Variants in KIAA1328 observed in about 807,000 individuals in gnomAD.
KIAA1328 encodes KIAA1328.
A neutral mutation model predicts 68.1 loss-of-function variants in KIAA1328; 52 were observed. The ratio of observed to expected loss-of-function variants is 0.76; its 90% CI spans 0.61 to 0.96. The LOEUF is 0.96. Among genes scored for constraint, KIAA1328 ranks in the 40% least tolerant of loss-of-function variants. The pLI is 0.00. For synonymous variants in KIAA1328, 232 were observed against 239.4 expected (o/e 0.97, Z 0.28); for missense variants, 641 against 677.6 (o/e 0.95, Z 0.60).
intron 7 of KIAA1328, among the ~76,000 whole-genome samples, chr18:37,068,701 A>C (rs978189596): frequency 5.3e-5 from 8 of 152,112 alleles, no homozygotes; most frequent in African/African-American, 1.9e-4. Context: ...AGAGTTCTTC[A>C]TATCTTCTAG....
chr18:37,165,384 T>C (rs113350108), intron 8 of KIAA1328, among the ~76,000 whole-genome samples: 120 of 151,992 alleles, frequency 7.9e-4, no homozygotes, highest in African/African-American at 2.5e-3. Flanking sequence ...TGATTTTAGC[T>C]GAAGGGTTTT....
Position 37,108,828 on chromosome 18 carries a change from T to A in KIAA1328, c.1232+41283T>A, listed in dbSNP as rs142260356. 6.8e-3 allele frequency among the ~76,000 whole-genome samples: 1,035 copies of A among 152,330 alleles called. 16 individuals are homozygous for A. The highest frequency in any genetic ancestry group is 0.023 in the African/African-American group (961 of 41,568). On this transcript the variant is annotated intron_variant, in intron 7 of 9. Transcript: ENST00000280020. ...AGTTCTAGGGTACATGTGCACAATG[T>A]GCAGGTTTGTTACATAGGTATACAT...
chr18:37,084,416 A>G (rs2057037835), intron 7 of KIAA1328: 1 of 360,854 alleles, frequency 2.8e-6, no homozygotes, highest in Non-Finnish European at 4.9e-6. Context: ...AATCATTCAT[A>G]ATCCTACAAC....
At chr18:36,967,497 A>C (rs1392962842) in intron 6 of KIAA1328, among the ~76,000 whole-genome samples, 1 of 152,194 alleles carries the variant, frequency 6.6e-6, no homozygotes, top group Non-Finnish European at 1.5e-5. Context: ...ACTGTGAGCT[A>C]ATGAATTTGG....
intron 6 of KIAA1328, 149 bp downstream of exon 6, chr18:36,959,584 C>G (rs2051572061): frequency 2.4e-6 from 2 of 847,742 alleles, no homozygotes; most frequent in South Asian, 1.8e-5. Context: ...ATGTCTTTCC[C>G]TCCCCCTTTC....
In KIAA1328 at chr18:37,118,255, A is replaced by G. The variant is rs574654945; in HGVS notation, c.1233-41945A>G. Among the ~76,000 whole-genome samples the G allele has an allele frequency of 5.9e-5, 9 of 152,182 alleles. No homozygotes were observed. The South Asian group carries it at 1.5e-3, about 25-fold the overall frequency. On this transcript the variant is annotated intron_variant, in intron 7 of 9. Coordinates refer to ENST00000280020, the MANE Select transcript of KIAA1328 (RefSeq NM_020776.3). Reference sequence around the variant, plus strand: ...AGTGATCCACCCGCCTCAGCCTCCCAAAGTGCTAGGCTTACAGGTGTGAGC... The same window carrying G: ...AGTGATCCACCCGCCTCAGCCTCCCGAAGTGCTAGGCTTACAGGTGTGAGC...
At chr18:37,177,486 C>T (rs764794308) in intron 9 of KIAA1328, among the ~76,000 whole-genome samples, 1 of 152,082 alleles carries the variant, frequency 6.6e-6, no homozygotes, top group Non-Finnish European at 1.5e-5. Context: ...CTCCCTGTGC[C>T]TTTGTGTGTC....
At chr18:37,142,548 A>C (rs1204082042) in intron 7 of KIAA1328, among the ~76,000 whole-genome samples, 1 of 152,068 alleles carries the variant, frequency 6.6e-6, no homozygotes, top group South Asian at 2.1e-4. Context: ...TGCTGAAAAA[A>C]ACTTTTTTCT....
At position 37,105,850 on chromosome 18, in the gene KIAA1328, G is replaced by C. The variant is rs544173183; in HGVS notation, c.1232+38305G>C. On this transcript the variant is annotated intron_variant, in intron 7 of 9. Transcript: ENST00000280020. Reference sequence around the variant, plus strand: ...GAGAATCATTTGGACCCAGGAGACAGAGGTTGCAGTGAGAAGAGATTGCTC... The same window carrying C: ...GAGAATCATTTGGACCCAGGAGACACAGGTTGCAGTGAGAAGAGATTGCTC... 6.8e-5 allele frequency among the ~76,000 whole-genome samples: 9 copies of C among 133,142 alleles called. 1 individual carries two copies. In the East Asian group the frequency reaches 1.5e-3, roughly 22 times the overall value. The allele number at this position is 133,142 out of a possible 152,430, so 87.3% of individuals were successfully genotyped here. A position where few individuals can be genotyped will look rare whatever the true frequency, so the allele number is the denominator to read the frequency against.
At chr18:37,093,246 A>C (rs1156596468) in intron 7 of KIAA1328, among the ~76,000 whole-genome samples, 1 of 152,228 alleles carries the variant, frequency 6.6e-6, no homozygotes, top group Non-Finnish European at 1.5e-5. Context: ...GTGAAAAAGC[A>C]AGGTAACATA....
At chr18:36,954,447 T>C (rs1210092521) in intron 5 of KIAA1328, 1 of 152,196 alleles carries the variant, frequency 6.6e-6, no homozygotes, top group African/African-American at 2.4e-5. Flanking sequence ...TGAATTAATT[T>C]ACTTTTGAGT....
At chr18:36,834,469 C>A in intron 2 of KIAA1328, 114 bp downstream of exon 2, 2 of 823,278 alleles carry the variant, frequency 2.4e-6, no homozygotes, top group South Asian at 3.7e-5. Context: ...CAGAGCAGTA[C>A]ATCAAAACCT....
At chr18:37,072,220 A>T (rs540147465) in intron 7 of KIAA1328, among the ~76,000 whole-genome samples, 111 of 151,020 alleles carry the variant, frequency 7.4e-4, no homozygotes, top group Middle Eastern at 3.4e-3. Flanking sequence ...TTTGCTTCAT[A>T]TGAAAATGTT....
At chr18:36,982,011 G>C (rs992793044) in intron 6 of KIAA1328, among the ~76,000 whole-genome samples, 22 of 149,042 alleles carry the variant, frequency 1.5e-4, no homozygotes, top group Non-Finnish European at 2.2e-4. Flanking sequence ...ATAGCAGTTA[G>C]ACAGAAAAAA....
At chr18:37,098,780 A>G (rs907475642) in intron 7 of KIAA1328, among the ~76,000 whole-genome samples, 1 of 152,034 alleles carries the variant, frequency 6.6e-6, no homozygotes, top group Non-Finnish European at 1.5e-5. Context: ...AAGAGATTCA[A>G]CTTCTTCCTG....
At chr18:37,227,178 A>G (rs1337431927), downstream of KIAA1328, among the ~76,000 whole-genome samples, 1 of 152,200 alleles carries the variant, frequency 6.6e-6, no homozygotes, top group Admixed American at 6.5e-5. Flanking sequence ...TATAGATGAA[A>G]AGCTTGCAGC....
intron 7 of KIAA1328, among the ~76,000 whole-genome samples, chr18:37,158,385 G>A (rs908349807): frequency 6.6e-6 from 1 of 152,138 alleles, no homozygotes; most frequent in Non-Finnish European, 1.5e-5. Flanking sequence ...AGGTATTAAA[G>A]TGCTCTTGTC....
rs1235893575 is a variant in KIAA1328 at position 36,953,637 on chromosome 18, T to TA, written c.449-5668dup. ...TAGTAATCTTGATCTAATACAGAACTAAATGAAGTGGCAAGTGTCACTCCT... is the reference window on the plus strand; with the variant it reads ...TAGTAATCTTGATCTAATACAGAACTAAAATGAAGTGGCAAGTGTCACTCCT... On this transcript the variant is annotated intron_variant, in intron 5 of 9. Coordinates refer to ENST00000280020, the MANE Select transcript of KIAA1328 (RefSeq NM_020776.3). Among the ~76,000 whole-genome samples, 21 of 152,228 alleles carry TA rather than the reference T, an allele frequency of 1.4e-4. No individual in the cohort carries two copies. The East Asian group carries it at 2.3e-3, about 17-fold the overall frequency.
At chr18:37,226,827 G>A (rs533907618), downstream of KIAA1328, among the ~76,000 whole-genome samples, 1 of 147,344 alleles carries the variant, frequency 6.8e-6, no homozygotes, top group East Asian at 2.0e-4. Flanking sequence ...GAGTGCAATG[G>A]CGCAATCTCA....
Sources: gnomAD v4.1 joint callset for allele counts (sites outside exome capture counted in the v4.1 genomes callset) on GRCh38, gnomAD v4.1.1 for gene constraint, MANE v1.5 for transcripts, NCBI Gene and HGNC (gene_info 2026-07-23, HGNC 2026-07-21) for gene names.